COL6A6: variants seen among roughly 807,000 people sequenced by gnomAD.
COL6A6 encodes the protein collagen type VI alpha 6 chain.
A neutral mutation model predicts 208.6 loss-of-function variants in COL6A6; 183 were observed. The observed-to-expected ratio is 0.88, with a 90% CI of 0.78 to 0.99. The LOEUF is 0.99. Ranked by LOEUF, COL6A6 falls within the 50% of genes least tolerant of loss-of-function variation. The pLI is 0.00. For missense variants in COL6A6, 2,816 were observed against 2,815.2 expected (o/e 1.00, Z -0.01); for synonymous variants, 973 against 1,011.8 (o/e 0.96, Z 0.73).
At chr3:130,607,056 C>T in intron 21 of COL6A6, 90 bp downstream of exon 21, 2 of 1,022,042 alleles carry the variant, frequency 2.0e-6, no homozygotes, top group East Asian at 2.5e-5. Flanking sequence ...CTCTAAACTT[C>T]CCTTTTTGAT....
chr3:130,549,766 G>A (rs1041223583), intron 1 of COL6A6, among the ~76,000 whole-genome samples: 6 of 152,148 alleles, frequency 3.9e-5, no homozygotes, highest in Non-Finnish European at 5.9e-5. Flanking sequence ...TTTTGTACGA[G>A]TACCATGCTG....
At chr3:130,554,583 A>G (rs4682619) in intron 1 of COL6A6, among the ~76,000 whole-genome samples, 121,083 of 152,076 alleles carry the variant, frequency 0.8, 48,933 homozygotes, top group Non-Finnish European at 0.86. Context: ...ACGGTGGGGC[A>G]GGGGAGCCAC....
intron 8 of COL6A6, among the ~76,000 whole-genome samples, chr3:130,580,418 C>T (rs1373738837): frequency 6.6e-6 from 1 of 152,180 alleles, no homozygotes; most frequent in African/African-American, 2.4e-5. Flanking sequence ...TGTTTTCCCT[C>T]AGTCAATTCT....
chr3:130,595,600 A>G (rs888238761), intron 18 of COL6A6, among the ~76,000 whole-genome samples: 1 of 152,156 alleles, frequency 6.6e-6, no homozygotes, highest in Admixed American at 6.5e-5. Flanking sequence ...TTTGCTTTAT[A>G]CTTGTAAGAT....
At chr3:130,661,582 C>A (rs1235499728) in intron 34 of COL6A6, 55 bp from the exon 35 acceptor site, 3 of 1,383,246 alleles carry the variant, frequency 2.2e-6, no homozygotes, top group East Asian at 4.6e-5. Context: ...ATTTGACATG[C>A]TATCTTCCCT....
intron 32 of COL6A6, among the ~76,000 whole-genome samples, chr3:130,648,314 A>C (rs1331724403): frequency 6.6e-6 from 1 of 152,248 alleles, no homozygotes. Context: ...ACAATGAAAA[A>C]GTCTGGAATG....
chr3:130,635,844 C>T (rs1210999318), intron 28 of COL6A6, 83 bp downstream of exon 28: 10 of 1,038,288 alleles, frequency 9.6e-6, no homozygotes, highest in South Asian at 1.5e-5. Context: ...TTTGAGTTGT[C>T]TTTTGTTACC....
In COL6A6 at chr3:130,634,496, C is replaced by T. The variant is rs1028061029; in HGVS notation, c.4993-94C>T. 2.4e-5 allele frequency: 28 copies of T among 1,150,822 alleles called. 1 individual carries two copies. The African/African-American group carries it at 4.2e-4, about 17-fold the overall frequency. 71.3% of individuals were successfully genotyped at this position (1,150,822 alleles called of 1,614,324 possible). ...TGGCCCTTCCTTAATTCAGAGGTAC[C>T]AAAACTACACAGGGCAGCAGGTAAA... On this transcript the variant is annotated intron_variant, in intron 26 of 36. Transcript: ENST00000358511.
At chr3:130,568,904 T>C (rs1447034385) in intron 6 of COL6A6, among the ~76,000 whole-genome samples, 3 of 152,100 alleles carry the variant, frequency 2.0e-5, no homozygotes, top group African/African-American at 7.2e-5. Context: ...CAGGGGCTCT[T>C]TGGAAGTGAT....
chr3:130,579,054 A>G (rs1243386451), intron 8 of COL6A6, among the ~76,000 whole-genome samples: 2 of 152,188 alleles, frequency 1.3e-5, no homozygotes, highest in African/African-American at 4.8e-5. Flanking sequence ...AAAATACCCC[A>G]TCTTTCAAAG....
chr3:130,564,739 G>A lies in COL6A6; in HGVS notation c.662-255G>A, dbSNP rs146378063. Among the ~76,000 whole-genome samples, 15 of 152,248 alleles carry A rather than the reference G, an allele frequency of 9.9e-5. No individual in the cohort carries two copies. In the East Asian group the frequency reaches 2.3e-3, roughly 23 times the overall value. ...CAGGCCCCATGCTAAGAATATTGTC[G>A]CATTAAATCCCCATAACAACTCTAT... On this transcript the variant is annotated intron_variant, in intron 3 of 36. Transcript: ENST00000358511.
At chr3:130,576,180 C>T (rs1030275046) in intron 8 of COL6A6, among the ~76,000 whole-genome samples, 7 of 152,158 alleles carry the variant, frequency 4.6e-5, no homozygotes, top group Non-Finnish European at 1.0e-4. Flanking sequence ...GGGCAATATT[C>T]CATCCTGTGT....
chr3:130,634,536 A>G, intron 26 of COL6A6, 54 bp from the exon 27 acceptor site: 3 of 1,503,558 alleles, frequency 2.0e-6, no homozygotes, highest in South Asian at 1.2e-5. Flanking sequence ...AAATCAATGT[A>G]GACTTCATTG....
At chr3:130,648,982 C>T in intron 32 of COL6A6, 87 bp from the exon 33 acceptor site, 1 of 1,103,482 alleles carries the variant, frequency 9.1e-7, no homozygotes, top group Non-Finnish European at 1.2e-6. Context: ...TATTTGAATG[C>T]TTAACATTTA....
intron 1 of COL6A6, among the ~76,000 whole-genome samples, 22 bp downstream of exon 1, chr3:130,517,419 G>A (rs1258553799): frequency 1.3e-5 from 2 of 152,260 alleles, no homozygotes; most frequent in East Asian, 3.9e-4. Flanking sequence ...AGCCAACGCT[G>A]GGACAGCAAG....
chr3:130,600,785 C>A (rs141344035), intron 20 of COL6A6, among the ~76,000 whole-genome samples: 2 of 152,050 alleles, frequency 1.3e-5, no homozygotes, highest in African/African-American at 4.8e-5. Flanking sequence ...CCTAGATGAA[C>A]AGTTGATAGG....
chr3:130,670,675 G>C (rs1200269564), intron 36 of COL6A6, among the ~76,000 whole-genome samples: 2 of 152,222 alleles, frequency 1.3e-5, no homozygotes, highest in Non-Finnish European at 2.9e-5. Context: ...TCCACCCCAA[G>C]CTGGCAGTGC....
intron 33 of COL6A6, among the ~76,000 whole-genome samples, chr3:130,651,557 A>G (rs2065646769): frequency 6.6e-6 from 1 of 152,198 alleles, no homozygotes; most frequent in Admixed American, 6.5e-5. Flanking sequence ...TATTATTAAT[A>G]GTAGCATCAT....
intron 36 of COL6A6, among the ~76,000 whole-genome samples, chr3:130,674,704 T>C (rs527570772): frequency 1.3e-5 from 2 of 152,226 alleles, no homozygotes; most frequent in Non-Finnish European, 2.9e-5. Flanking sequence ...GGGATTACTA[T>C]AGTGAACAGA....
Sources: allele counts gnomAD v4.1 joint callset (sites outside exome capture counted in the v4.1 genomes callset), GRCh38; gene constraint gnomAD v4.1.1; transcripts MANE v1.5; gene names NCBI Gene and HGNC (gene_info 2026-07-23, HGNC 2026-07-21).